MS4A2: variants seen among roughly 807,000 people sequenced by gnomAD.
MS4A2 encodes the protein high affinity immunoglobulin epsilon receptor subunit beta.
A neutral mutation model predicts 27.9 loss-of-function variants in MS4A2; 26 were observed. That is an observed-to-expected ratio of 0.93 (90% CI 0.68 to 1.29). The LOEUF (loss-of-function observed/expected upper bound fraction) is 1.29, where lower values mean the gene tolerates loss of function less well. MS4A2 is among the 50% of genes most tolerant of loss of function. The pLI, the probability that MS4A2 is intolerant of heterozygous loss-of-function variation, is 0.00. For missense variants in MS4A2, 284 were observed against 284.6 expected (o/e 1.00, Z 0.01); for synonymous variants, 110 against 98.8 (o/e 1.11, Z -0.67).
In MS4A2 at chr11:60,093,508, A is replaced by T. The variant is rs1203168579; in HGVS notation, c.487A>T (p.Ser163Cys). The T allele has an allele frequency of 4.3e-6, 7 of 1,614,056 alleles. No homozygotes were observed. The highest frequency in any genetic ancestry group is 5.9e-6 in the Non-Finnish European group (7 of 1,180,028). ...KKSLAYIHIH[S>C]CQKFFETKCF... Reference sequence around the variant, plus strand: ...GAGCTTGGCCTATATCCACATCCACAGTTGCCAGAAATTTTTTGAGACCAA... The same window carrying T: ...GAGCTTGGCCTATATCCACATCCACTGTTGCCAGAAATTTTTTGAGACCAA... The change falls in exon 5 of 7, where the codon AGT becomes TGT. Residue 163 changes from serine (S) to cysteine (C), a missense_variant. Coordinates refer to ENST00000278888, the MANE Select transcript of MS4A2 (RefSeq NM_000139.5).
Position 60,095,567 on chromosome 11 carries a change from G to T in MS4A2, c.646G>T (p.Asp216Tyr), listed in dbSNP as rs373183910. 32 of 1,607,948 alleles carry T rather than the reference G, an allele frequency of 2.0e-5. No homozygotes were observed. Among genetic ancestry groups the T allele is most frequent in the Admixed American group, 6.7e-5 (4 of 60,024 alleles). The change falls in exon 7 of 7, where the codon GAT becomes TAT. Residue 216 changes from aspartate to tyrosine, a missense_variant. Transcript: ENST00000278888. Reference protein sequence around the residue: ...EELKGNKVPEDRVYEELNIYS... With the variant: ...EELKGNKVPEYRVYEELNIYS... ...ATTTTTCCCTTATCAGGTTCCAGAG[G>T]ATCGTGTTTATGAAGAATTAAACAT...
In MS4A2 at chr11:60,094,004, T is replaced by G. The variant is rs1855821295; in HGVS notation, c.578T>G (p.Leu193Arg). ...VMMLFLTILG[L>R]GSAVSLTICG... The stretch of plus-strand genomic sequence containing the variant: ...ATGCTGTTTCTCACCATTCTGGGAC[T>G]TGGTAGTGCTGTGTCACTCACAATC... The change falls in exon 6 of 7, where the codon CTT becomes CGT. Residue 193 changes from leucine (L) to arginine (R), a missense_variant. Physicochemically the swap from Leu to Arg is moderately radical, Grantham distance 102. Coordinates refer to ENST00000278888, the MANE Select transcript of MS4A2 (RefSeq NM_000139.5). 4 of 1,614,138 alleles carry G rather than the reference T, an allele frequency of 2.5e-6. No individual in the cohort carries two copies. Among genetic ancestry groups the G allele is most frequent in the Non-Finnish European group, 2.5e-6 (3 of 1,179,972 alleles).
chr11:60,089,045 C>T (rs561738524), intron 1 of MS4A2, among the ~76,000 whole-genome samples: 2 of 152,282 alleles, frequency 1.3e-5, no homozygotes, highest in East Asian at 3.9e-4. Context: ...TAGATTTTCT[C>T]ACATTAGAAG....
intron 2 of MS4A2, 108 bp downstream of exon 2, chr11:60,089,929 C>T (rs1855726962): frequency 1.4e-6 from 2 of 1,399,458 alleles, no homozygotes; most frequent in African/African-American, 2.9e-5. Flanking sequence ...GTGTTAGGTC[C>T]TTTAAAAAAC....
chr11:60,093,312 G>A (rs554321468), intron 4 of MS4A2, 88 bp from the exon 5 acceptor site: 179 of 1,547,000 alleles, frequency 1.2e-4, no homozygotes, highest in Admixed American at 4.2e-4. Context: ...GGAATTTACT[G>A]GATGCATCCA....
At chr11:60,088,613 T>C (rs920168033), upstream of MS4A2, 6 of 1,485,786 alleles carry the variant, frequency 4.0e-6, no homozygotes, top group Admixed American at 2.5e-5. Flanking sequence ...AAGAAACTTA[T>C]CTGTCTGGCA....
In MS4A2 at chr11:60,096,886, CAAAAAAAAAAAAA is replaced by C. The variant is rs5792169; in HGVS notation, c.*1242_*1254del. Reference sequence around the variant, plus strand: ...TTGGTGACAATGGGAGACTCCATCTCAAAAAAAAAAAAAAAAAAAAAAAAGATAAAAAGTCAGA... The same window carrying C: ...TTGGTGACAATGGGAGACTCCATCTCAAAAAAAAAAAGATAAAAAGTCAGA... On this transcript the variant is annotated 3_prime_UTR_variant, in exon 7 of 7. Transcript: ENST00000278888. 5.4e-5 allele frequency: 3 copies of C among 55,054 alleles called. No individual in the cohort carries two copies. The highest frequency in any genetic ancestry group is 2.2e-4 in the African/African-American group (3 of 13,510). 3.4% of individuals were successfully genotyped at this position (55,054 alleles called of 1,614,324 possible). A position where few individuals can be genotyped will look rare whatever the true frequency, so the allele number is the denominator to read the frequency against.
chr11:60,092,883 A>T, intron 4 of MS4A2, 35 bp downstream of exon 4: 1 of 1,591,408 alleles, frequency 6.3e-7, no homozygotes, highest in Non-Finnish European at 8.6e-7. Flanking sequence ...TCCATCCTTG[A>T]AAAGATAAGA....
In MS4A2 at chr11:60,088,853, C is replaced by G. The variant is rs757622203; in HGVS notation, c.56+32C>G. On this transcript the variant is annotated intron_variant, in intron 1 of 6. Transcript: ENST00000278888. ...ACAAGGTATTATTTTTTTCTACCCTCAGTCACTTAGTGGCAGGGGAAGTCA... is the reference window on the plus strand; with the variant it reads ...ACAAGGTATTATTTTTTTCTACCCTGAGTCACTTAGTGGCAGGGGAAGTCA... The G allele has an allele frequency of 8.8e-6, 14 of 1,593,740 alleles. No individual in the cohort carries two copies. In the East Asian group the frequency reaches 3.2e-4, roughly 36 times the overall value.
Position 60,096,165 on chromosome 11 carries a change from AGT to A in MS4A2, c.*510_*511del, listed in dbSNP as rs1855866206. 1 of 155,190 alleles carries A rather than the reference AGT, an allele frequency of 6.4e-6. No homozygotes were observed. The highest frequency in any genetic ancestry group is 1.4e-5 in the Non-Finnish European group (1 of 69,954). 9.6% of individuals were successfully genotyped at this position (155,190 alleles called of 1,614,324 possible). ...CTTCCTATGCAAATATTTTACCACC[AGT>A]CAATAATACATTTTTGCCAAGACAT... On this transcript the variant is annotated 3_prime_UTR_variant, in exon 7 of 7. Transcript: ENST00000278888.
At chr11:60,088,904 CT>C in intron 1 of MS4A2, 83 bp downstream of exon 1, 1 of 1,357,626 alleles carries the variant, frequency 7.4e-7, no homozygotes. Context: ...GGAGATGAAA[CT>C]TTATTGATTT....
chr11:60,092,607 C>T (rs780443981), intron 3 of MS4A2, among the ~76,000 whole-genome samples, 185 bp from the exon 4 acceptor site: 1 of 151,992 alleles, frequency 6.6e-6, no homozygotes, highest in Non-Finnish European at 1.5e-5. Context: ...TATTCGTATA[C>T]ACATTTAATT....
intron 6 of MS4A2, among the ~76,000 whole-genome samples, chr11:60,094,872 C>T (rs1277345750): frequency 6.6e-6 from 1 of 152,082 alleles, no homozygotes; most frequent in African/African-American, 2.4e-5. Flanking sequence ...AACATTAGCC[C>T]AGCGTGGTGG....
At position 60,096,886 on chromosome 11, in the gene MS4A2, CAAAAAAAAAAAA is replaced by C. The variant is rs5792169; in HGVS notation, c.*1243_*1254del. 1.8e-5 allele frequency: 1 copy of C among 55,054 alleles called. No individual in the cohort carries two copies. The highest frequency in any genetic ancestry group is 3.2e-5 in the Non-Finnish European group (1 of 30,788). The allele number at this position is 55,054 out of a possible 1,614,324, so 3.4% of individuals were successfully genotyped here. On this transcript the variant is annotated 3_prime_UTR_variant, in exon 7 of 7. Coordinates refer to ENST00000278888, the MANE Select transcript of MS4A2 (RefSeq NM_000139.5). ...TTGGTGACAATGGGAGACTCCATCT[CAAAAAAAAAAAA>C]AAAAAAAAAAAAGATAAAAAGTCAG...
chr11:60,093,303 G>A (rs1796082000), intron 4 of MS4A2, 97 bp from the exon 5 acceptor site: 2 of 1,508,770 alleles, frequency 1.3e-6, no homozygotes, highest in African/African-American at 1.4e-5. Flanking sequence ...AAGCAATGTG[G>A]AATTTACTGG....
chr11:60,093,807 TG>T, intron 5 of MS4A2, 156 bp from the exon 6 acceptor site: 7 of 341,968 alleles, frequency 2.0e-5, no homozygotes, highest in Middle Eastern at 6.6e-4. Context: ...TGTGTTTGTG[TG>T]TGTGTGTGTG....
Position 60,090,365 on chromosome 11 carries a change from C to G in MS4A2, c.216C>G (p.Cys72Trp). The G allele has an allele frequency of 1.2e-6, 2 of 1,613,148 alleles. No individual in the cohort carries two copies. The highest frequency in any genetic ancestry group is 8.5e-7 in the Non-Finnish European group (1 of 1,179,828). Residue 72 changes from cysteine to tryptophan, a missense_variant, in exon 3 of 7, where the codon TGC (cysteine) becomes TGG (tryptophan). Physicochemically the swap from Cys to Trp is radical, Grantham distance 215. Coordinates refer to ENST00000278888, the MANE Select transcript of MS4A2 (RefSeq NM_000139.5). ...GVTQILTAMI[C>W]LCFGTVVCSV... ...CACAAATTCTGACTGCTATGATATG[C>G]CTTTGTTTTGGAACAGTTGTCTGCT...
At position 60,089,728 on chromosome 11, in the gene MS4A2, G is replaced by A; in HGVS notation, c.93G>A (p.Gln31=). The A allele has an allele frequency of 6.2e-7, 1 of 1,614,140 alleles. No homozygotes were observed. The highest frequency in any genetic ancestry group is 8.5e-7 in the Non-Finnish European group (1 of 1,179,996). ...PAFEVLEISP[Q]EVSSGRLLKS... ...TTGAAGTCTTGGAAATATCTCCCCAGGAAGTATCTTCAGGCAGACTATTGA... is the reference window on the plus strand; with the variant it reads ...TTGAAGTCTTGGAAATATCTCCCCAAGAAGTATCTTCAGGCAGACTATTGA... The change falls in exon 2 of 7, where the codon CAG becomes CAA. Residue 31 remains glutamine, a synonymous_variant. Transcript: ENST00000278888.
At chr11:60,089,878 T>C (rs1405287359) in intron 2 of MS4A2, 57 bp downstream of exon 2, 6 of 1,604,222 alleles carry the variant, frequency 3.7e-6, no homozygotes, top group South Asian at 3.3e-5. Flanking sequence ...GAAAAGAATA[T>C]TGAGTTGCAT....
Sources: gnomAD v4.1 joint callset for allele counts (sites outside exome capture counted in the v4.1 genomes callset) on GRCh38, gnomAD v4.1.1 for gene constraint, MANE v1.5 for transcripts, NCBI Gene and HGNC (gene_info 2026-07-23, HGNC 2026-07-21) for gene names.